Variants in FANK1 observed in about 807,000 individuals in gnomAD.
FANK1 encodes the protein fibronectin type 3 and ankyrin repeat domains protein 1.
Under a neutral mutation model 45.3 loss-of-function variants are expected in FANK1, and 44 were observed. That is an observed-to-expected ratio of 0.97 (90% confidence interval 0.76 to 1.25). The LOEUF (loss-of-function observed/expected upper bound fraction) is 1.25. Ranked by LOEUF, FANK1 falls within the 50% of genes most tolerant of loss-of-function variation. The pLI, the probability that FANK1 is intolerant of heterozygous loss-of-function variation, is 0.00. For synonymous variants in FANK1, 149 were observed against 152.5 expected, an observed-to-expected ratio of 0.98 and a Z score of 0.17; for missense variants, 391 against 424.4, an observed-to-expected ratio of 0.92 and a Z score of 0.69.
At chr10:125,943,745 A>T (rs1014908020) in intron 1 of FANK1, among the ~76,000 whole-genome samples, 13 of 152,222 alleles carry the variant, frequency 8.5e-5, no homozygotes, top group Admixed American at 3.3e-4. Context: ...AAACCACCTC[A>T]CTATCCTTAG....
intron 1 of FANK1, among the ~76,000 whole-genome samples, chr10:125,912,656 CAT>C (rs373440391): frequency 2.0e-5 from 3 of 152,168 alleles, no homozygotes; most frequent in Non-Finnish European, 2.9e-5. Context: ...TTTTTTGAGA[CAT>C]AGTCTTGCTT....
chr10:125,921,002 G>A (rs1444170197), intron 1 of FANK1, among the ~76,000 whole-genome samples: 2 of 152,114 alleles, frequency 1.3e-5, no homozygotes, highest in African/African-American at 2.4e-5. Context: ...CCTCTCCGGT[G>A]ATCTTGTCTA....
At chr10:125,911,877 CT>C (rs1477040322) in intron 1 of FANK1, among the ~76,000 whole-genome samples, 2 of 152,030 alleles carry the variant, frequency 1.3e-5, no homozygotes. Context: ...TCCTGTTAAC[CT>C]TATATAGGGC....
chr10:125,903,317 A>G (rs1161840818), intron 1 of FANK1, among the ~76,000 whole-genome samples: 3 of 152,212 alleles, frequency 2.0e-5, no homozygotes, highest in African/African-American at 7.2e-5. Flanking sequence ...ACAAGTAAAC[A>G]ACTCACACCA....
chr10:125,931,405 C>T (rs1230019730), intron 1 of FANK1, among the ~76,000 whole-genome samples: 4 of 152,182 alleles, frequency 2.6e-5, no homozygotes, highest in Non-Finnish European at 5.9e-5. Flanking sequence ...TGATTATGGC[C>T]TTTCTTGCAG....
chr10:125,956,837 G>A (rs570387965), intron 1 of FANK1, among the ~76,000 whole-genome samples: 2 of 152,246 alleles, frequency 1.3e-5, no homozygotes, highest in African/African-American at 2.4e-5. Flanking sequence ...TAATAAGGGC[G>A]AGTTCGGGGT....
chr10:125,912,412 AT>A (rs1261470829), intron 1 of FANK1, among the ~76,000 whole-genome samples: 1 of 142,214 alleles, frequency 7.0e-6, no homozygotes, highest in Non-Finnish European at 1.5e-5. Context: ...TCTCCATTTT[AT>A]TTTTGTTTCC....
intron 1 of FANK1, among the ~76,000 whole-genome samples, chr10:125,960,965 TAC>T (rs1949887823): frequency 6.6e-6 from 1 of 152,192 alleles, no homozygotes; most frequent in African/African-American, 2.4e-5. Flanking sequence ...GCTGGAGGTA[TAC>T]ACTGTCAGAC....
chr10:125,981,124 G>A (rs1951180845), intron 2 of FANK1, among the ~76,000 whole-genome samples: 2 of 152,282 alleles, frequency 1.3e-5, no homozygotes, highest in African/African-American at 2.4e-5. Flanking sequence ...CCTGCTTAAC[G>A]CTCTAGCCGG....
intron 1 of FANK1, among the ~76,000 whole-genome samples, chr10:125,916,058 C>T (rs184452190): frequency 0.016 from 2,372 of 151,508 alleles, 192 homozygotes; most frequent in Admixed American, 0.14. Flanking sequence ...TCTTTTCAGA[C>T]GGAGTCTTGC....
intron 6 of FANK1, 168 bp from the exon 7 acceptor site, chr10:126,004,716 C>G: frequency 1.6e-6 from 1 of 619,594 alleles, no homozygotes. Flanking sequence ...ATGGATATAC[C>G]ACATTTTGTA....
intron 1 of FANK1, among the ~76,000 whole-genome samples, chr10:125,933,815 G>C (rs1396944559): frequency 6.6e-6 from 1 of 152,042 alleles, no homozygotes; most frequent in African/African-American, 2.4e-5. Flanking sequence ...TATCCAAGAG[G>C]CTTTGATAGG....
chr10:125,987,003 T>A (rs374635125), intron 2 of FANK1, among the ~76,000 whole-genome samples: 32 of 152,274 alleles, frequency 2.1e-4, no homozygotes, highest in East Asian at 1.7e-3. Flanking sequence ...GATGATTAGG[T>A]GAGGTGTTAG....
chr10:126,005,988 TAATTAG>T (rs938197094), intron 7 of FANK1, among the ~76,000 whole-genome samples: 19 of 152,356 alleles, frequency 1.2e-4, no homozygotes, highest in Admixed American at 1.2e-3. Flanking sequence ...TGAAGATGGG[TAATTAG>T]AATTAGATCA....
chr10:125,973,507 G>A, intron 1 of FANK1: 1 of 966,440 alleles, frequency 1.0e-6, no homozygotes, highest in Non-Finnish European at 1.2e-6. Flanking sequence ...TCAGTGTCTG[G>A]TTCAGTAGTT....
Position 126,002,555 on chromosome 10 carries a change from C to T in FANK1, c.540-2329C>T, listed in dbSNP as rs60900241. Among the ~76,000 whole-genome samples the T allele has an allele frequency of 5.0e-3, 765 of 152,194 alleles. 6 individuals carry two copies. Among genetic ancestry groups the T allele is most frequent in the African/African-American group, 0.017 (694 of 41,536 alleles). On this transcript the variant is annotated intron_variant, in intron 6 of 10. Transcript: ENST00000368693. ...GCAGAGTTCTGGCGCCATCTCAGCT[C>T]GGCTGTGCCTTGCCTTGGGGGCTGG...
At chr10:125,994,099 T>C (rs547873029) in intron 3 of FANK1, among the ~76,000 whole-genome samples, 1 of 151,228 alleles carries the variant, frequency 6.6e-6, no homozygotes, top group South Asian at 2.1e-4. Flanking sequence ...AGCTGATCTT[T>C]CTGGGCCGGA....
chr10:125,934,971 C>T (rs1438965447), intron 1 of FANK1, among the ~76,000 whole-genome samples: 1 of 151,986 alleles, frequency 6.6e-6, no homozygotes, highest in African/African-American at 2.4e-5. Flanking sequence ...CTGTTTCTTC[C>T]CCAGGTCTGC....
chr10:126,003,678 A>AT (rs71029278), intron 6 of FANK1, among the ~76,000 whole-genome samples: 87,959 of 151,292 alleles, frequency 0.58, 27,039 homozygotes, highest in Non-Finnish European at 0.68. Flanking sequence ...TTTTTTATTT[A>AT]TTTTTTTTAT....
Sources: gnomAD v4.1 joint callset for allele counts (sites outside exome capture counted in the v4.1 genomes callset) on GRCh38, gnomAD v4.1.1 for gene constraint, MANE v1.5 for transcripts, NCBI Gene and HGNC (gene_info 2026-07-23, HGNC 2026-07-21) for gene names.